Variants in PABPC4L observed in about 807,000 individuals in gnomAD.
The protein encoded by PABPC4L is polyadenylate-binding protein 4-like.
For synonymous variants in PABPC4L, 169 were observed against 164.1 expected, an observed-to-expected ratio of 1.03 and a Z score of -0.23; for missense variants, 452 against 451.4, an observed-to-expected ratio of 1.00 and a Z score of -0.01.
chr4:133,968,672 G>C, the PABPC4L span, among the ~76,000 whole-genome samples: 1 of 152,068 alleles, frequency 6.6e-6, no homozygotes, highest in African/African-American at 2.4e-5. Context: ...TAACTAGCCA[G>C]AAGTTATCCC....
chr4:134,070,169 T>G, the PABPC4L span, among the ~76,000 whole-genome samples: 9 of 151,994 alleles, frequency 5.9e-5, no homozygotes, highest in African/African-American at 1.9e-4. Context: ...TGGACCCTTG[T>G]GAGCTTAGGA....
the PABPC4L span, among the ~76,000 whole-genome samples, chr4:134,163,862 T>C: frequency 7.9e-5 from 12 of 152,170 alleles, no homozygotes; most frequent in African/African-American, 2.9e-4. Flanking sequence ...ATATGTCATG[T>C]AGTACACACC....
the PABPC4L span, among the ~76,000 whole-genome samples, chr4:134,068,933 C>A: frequency 1.3e-5 from 2 of 152,044 alleles, no homozygotes; most frequent in East Asian, 3.9e-4. Flanking sequence ...TGGTCTCGAA[C>A]TCCTGACCTC....
chr4:134,132,901 T>C, the PABPC4L span, among the ~76,000 whole-genome samples: 96 of 146,590 alleles, frequency 6.5e-4, 1 homozygote, highest in Non-Finnish European at 1.3e-3. Flanking sequence ...AAATATTATA[T>C]ATTATATATT....
the PABPC4L span, among the ~76,000 whole-genome samples, chr4:134,143,497 A>AG: frequency 1.3e-5 from 2 of 150,434 alleles, no homozygotes; most frequent in African/African-American, 4.8e-5. Context: ...AATATTAATA[A>AG]ATACTCATTT....
At chr4:134,043,748 A>G in the PABPC4L span, among the ~76,000 whole-genome samples, 1 of 152,110 alleles carries the variant, frequency 6.6e-6, no homozygotes, top group African/African-American at 2.4e-5. Flanking sequence ...ACAGTGCACT[A>G]TTGCTGTGTG....
the PABPC4L span, among the ~76,000 whole-genome samples, chr4:134,086,720 C>CTT: frequency 5.0e-4 from 58 of 115,620 alleles, no homozygotes; most frequent in African/African-American, 1.7e-3. Flanking sequence ...GCTTGAAAGT[C>CTT]TTTTTTTTTT....
the PABPC4L span, among the ~76,000 whole-genome samples, chr4:134,108,820 C>T: frequency 2.6e-5 from 4 of 151,748 alleles, no homozygotes; most frequent in African/African-American, 9.7e-5. Context: ...TTGACATGAC[C>T]AGTTTTGTAC....
At chr4:134,085,021 C>A in the PABPC4L span, among the ~76,000 whole-genome samples, 1 of 152,098 alleles carries the variant, frequency 6.6e-6, no homozygotes, top group South Asian at 2.1e-4. Flanking sequence ...ACAGGAACAG[C>A]AGAGGCCAGG....
chr4:134,133,415 T>A, the PABPC4L span, among the ~76,000 whole-genome samples: 1 of 144,550 alleles, frequency 6.9e-6, no homozygotes, highest in Admixed American at 7.2e-5. Flanking sequence ...TATTATTATA[T>A]GGTATATTAT....
chr4:134,101,947 A>G, the PABPC4L span, among the ~76,000 whole-genome samples: 2 of 151,716 alleles, frequency 1.3e-5, no homozygotes, highest in African/African-American at 4.8e-5. Flanking sequence ...CCATATTACT[A>G]TCCAGACTAG....
chr4:134,045,975 C>G, the PABPC4L span, among the ~76,000 whole-genome samples: 3 of 152,004 alleles, frequency 2.0e-5, no homozygotes, highest in Non-Finnish European at 4.4e-5. Flanking sequence ...TCAGCTCTTA[C>G]AAACAAAAAA....
chr4:134,093,039 A>T, the PABPC4L span, among the ~76,000 whole-genome samples: 2 of 151,644 alleles, frequency 1.3e-5, no homozygotes, highest in East Asian at 3.9e-4. Flanking sequence ...TAGCTCAATA[A>T]TTTTTTTTGT....
the PABPC4L span, among the ~76,000 whole-genome samples, chr4:133,970,648 T>A: frequency 6.6e-6 from 1 of 152,190 alleles, no homozygotes; most frequent in African/African-American, 2.4e-5. Context: ...GTTCTGGATA[T>A]ATGTGTCCCC....
At chr4:134,076,208 G>T in the PABPC4L span, among the ~76,000 whole-genome samples, 1 of 152,092 alleles carries the variant, frequency 6.6e-6, no homozygotes, top group Non-Finnish European at 1.5e-5. Flanking sequence ...ACTTCAAAAA[G>T]CCTTAAAAAG....
chr4:134,006,939 C>T, the PABPC4L span, among the ~76,000 whole-genome samples: 1 of 151,648 alleles, frequency 6.6e-6, no homozygotes, highest in Non-Finnish European at 1.5e-5. Flanking sequence ...GTTGTGAATA[C>T]TGTCAAGTTT....
At chr4:134,003,025 A>C in the PABPC4L span, among the ~76,000 whole-genome samples, 1 of 151,954 alleles carries the variant, frequency 6.6e-6, no homozygotes, top group Admixed American at 6.6e-5. Flanking sequence ...CCTGCTTCAG[A>C]GGTATATATT....
chr4:134,088,663 G>T, the PABPC4L span, among the ~76,000 whole-genome samples: 4 of 152,018 alleles, frequency 2.6e-5, no homozygotes, highest in Admixed American at 2.0e-4. Flanking sequence ...TGAGGTCAAA[G>T]TACCAACTTG....
the PABPC4L span, among the ~76,000 whole-genome samples, chr4:134,010,061 T>A: frequency 6.6e-6 from 1 of 152,092 alleles, no homozygotes; most frequent in African/African-American, 2.4e-5. Flanking sequence ...GTTACTTTAA[T>A]CACTCTGTAT....
Sources: gnomAD v4.1 joint callset for allele counts (sites outside exome capture counted in the v4.1 genomes callset) on GRCh38, gnomAD v4.1.1 for gene constraint, MANE v1.5 for transcripts, NCBI Gene and HGNC (gene_info 2026-07-23, HGNC 2026-07-21) for gene names.